The following CDK19 variants were observed in gnomAD, a reference collection of about 807,000 sequenced individuals.
The protein encoded by CDK19 is cyclin-dependent kinase 19.
CDK19 carries 20 observed loss-of-function variants against 68.3 expected under a neutral mutation model. The observed-to-expected ratio is 0.29, with a 90% confidence interval of 0.21 to 0.43. The LOEUF (loss-of-function observed/expected upper bound fraction) is 0.43. Among genes scored for constraint, CDK19 ranks in the 20% least tolerant of loss-of-function variants. CDK19 has a pLI of 1.00. For missense variants in CDK19, 339 were observed against 623.5 expected, an observed-to-expected ratio of 0.54 and a Z score of 4.86; for synonymous variants, 221 against 222.8, an observed-to-expected ratio of 0.99 and a Z score of 0.07.
At chr6:110,616,594 G>C (rs1377575663) in intron 12 of CDK19, among the ~76,000 whole-genome samples, 1 of 151,826 alleles carries the variant, frequency 6.6e-6, no homozygotes, top group East Asian at 1.9e-4. Flanking sequence ...CTTGAACCCA[G>C]GAGTCAGAAG....
chr6:110,683,904 G>A (rs1772227920), intron 2 of CDK19, among the ~76,000 whole-genome samples: 2 of 149,946 alleles, frequency 1.3e-5, no homozygotes, highest in African/African-American at 4.9e-5. Flanking sequence ...TGGAGATGGG[G>A]TTTCACCTTG....
rs978718308 is a variant in CDK19, at chr6:110,621,093, T to G, written c.1377+11A>C. 6.2e-7 allele frequency: 1 copy of G among 1,606,942 alleles called. No homozygotes were observed. The highest frequency in any genetic ancestry group is 2.2e-5 in the East Asian group (1 of 44,856). Reference sequence around the variant, plus strand: ...CATAAAGCATATGAACATTAGACATTCAGGGAGTACCTGATAATCCGAGGG... The same window carrying G: ...CATAAAGCATATGAACATTAGACATGCAGGGAGTACCTGATAATCCGAGGG... On this transcript the variant is annotated intron_variant, in intron 12 of 12. Coordinates refer to ENST00000368911, the MANE Select transcript of CDK19 (RefSeq NM_015076.5). The surrounding 1 kb of genome is among the most constrained non-coding windows in gnomAD (Gnocchi z 5.4).
intron 3 of CDK19, among the ~76,000 whole-genome samples, chr6:110,669,015 A>C (rs1393541343): frequency 6.6e-6 from 1 of 152,222 alleles, no homozygotes; most frequent in Non-Finnish European, 1.5e-5. Context: ...GTACAGTTCT[A>C]CAGGATCTGA....
intron 1 of CDK19, among the ~76,000 whole-genome samples, chr6:110,793,738 C>T (rs552808169): frequency 2.0e-5 from 3 of 152,192 alleles, no homozygotes; most frequent in Non-Finnish European, 4.4e-5. Flanking sequence ...TTGGCACAGT[C>T]TCTTTTGCCT....
intron 1 of CDK19, among the ~76,000 whole-genome samples, chr6:110,763,655 A>C (rs946218864): frequency 6.6e-6 from 1 of 151,616 alleles, no homozygotes; most frequent in Non-Finnish European, 1.5e-5. Flanking sequence ...CCTCAGGTGA[A>C]CCGCCCGCCT....
At chr6:110,624,354 T>C (rs926252008) in intron 8 of CDK19, among the ~76,000 whole-genome samples, 2 of 152,152 alleles carry the variant, frequency 1.3e-5, no homozygotes, top group African/African-American at 4.8e-5. Context: ...ATATACTAGA[T>C]ATTTTTTCAT....
At chr6:110,734,934 A>G (rs1345393416) in intron 2 of CDK19, among the ~76,000 whole-genome samples, 1 of 152,194 alleles carries the variant, frequency 6.6e-6, no homozygotes, top group Non-Finnish European at 1.5e-5. Flanking sequence ...TACAATAGTA[A>G]ATATTATTCA....
intron 2 of CDK19, among the ~76,000 whole-genome samples, chr6:110,689,845 G>A (rs1272488017): frequency 3.3e-5 from 5 of 152,132 alleles, no homozygotes; most frequent in Non-Finnish European, 7.4e-5. Context: ...TAGACCCACA[G>A]GAGCAACAGC....
chr6:110,810,594 G>C (rs1452797768), intron 1 of CDK19, among the ~76,000 whole-genome samples: 2 of 152,072 alleles, frequency 1.3e-5, no homozygotes, highest in Non-Finnish European at 2.9e-5. Context: ...AACCAACATG[G>C]AGAAACCCCA....
At chr6:110,727,552 G>A (rs1158892083) in intron 2 of CDK19, among the ~76,000 whole-genome samples, 2 of 152,108 alleles carry the variant, frequency 1.3e-5, no homozygotes, top group East Asian at 1.9e-4. Context: ...CTTCATTACT[G>A]AGATCATAAT....
At chr6:110,784,474 TAGAC>T (rs1781059525) in intron 1 of CDK19, among the ~76,000 whole-genome samples, 1 of 152,134 alleles carries the variant, frequency 6.6e-6, no homozygotes, top group South Asian at 2.1e-4. Context: ...ATCAGAAAGA[TAGAC>T]AATACCATAT....
chr6:110,610,995 G>C lies in CDK19; in HGVS notation c.*3540C>G, dbSNP rs865861511. ...TCTTAAGAGTCCATTATGTTCGTAA[G>C]AGCAAAAGAGTAGTGCAGAAGGCCA... On this transcript the variant is annotated 3_prime_UTR_variant, in exon 13 of 13. Coordinates refer to ENST00000368911, the MANE Select transcript of CDK19 (RefSeq NM_015076.5). 1 of 152,128 alleles carries C rather than the reference G, an allele frequency of 6.6e-6. No homozygotes were observed. Among genetic ancestry groups the C allele is most frequent in the South Asian group, 2.1e-4 (1 of 4,824 alleles). 9.4% of individuals were successfully genotyped at this position (152,128 alleles called of 1,614,324 possible).
At chr6:110,647,681 C>T (rs1780697251) in intron 4 of CDK19, among the ~76,000 whole-genome samples, 1 of 152,090 alleles carries the variant, frequency 6.6e-6, no homozygotes. Context: ...AAACACCAAC[C>T]ACAGATGATC....
At chr6:110,750,818 G>A (rs1248551821) in intron 1 of CDK19, among the ~76,000 whole-genome samples, 1 of 152,036 alleles carries the variant, frequency 6.6e-6, no homozygotes, top group Non-Finnish European at 1.5e-5. Flanking sequence ...GGAAGGGAAG[G>A]AAACAGTTCT....
chr6:110,739,073 T>C (rs1777458493), intron 2 of CDK19, among the ~76,000 whole-genome samples: 1 of 152,216 alleles, frequency 6.6e-6, no homozygotes, highest in South Asian at 2.1e-4. Flanking sequence ...AGACTGCTGC[T>C]GCCAGCAGTC....
At chr6:110,716,916 G>A (rs146506549) in intron 2 of CDK19, among the ~76,000 whole-genome samples, 4,019 of 152,190 alleles carry the variant, frequency 0.026, 80 homozygotes, top group South Asian at 0.084. Flanking sequence ...GACGGATCAC[G>A]AGGTCAGGAG....
intron 2 of CDK19, among the ~76,000 whole-genome samples, chr6:110,687,871 A>C (rs1450587178): frequency 3.9e-5 from 6 of 152,234 alleles, no homozygotes; most frequent in African/African-American, 9.6e-5. Context: ...CCTAAGGACA[A>C]CATTAATCTG....
chr6:110,794,106 C>T (rs369718145), intron 1 of CDK19, among the ~76,000 whole-genome samples: 32 of 152,038 alleles, frequency 2.1e-4, no homozygotes, highest in Non-Finnish European at 3.7e-4. Flanking sequence ...AGTGCAGTGG[C>T]GCAATCTCAG....
At chr6:110,706,692 C>T (rs12213937) in intron 2 of CDK19, 5,282 of 151,906 alleles carry the variant, frequency 0.035, 124 homozygotes, top group Middle Eastern at 0.079. Flanking sequence ...GGATTACAAG[C>T]GTGAGCCACC....
Sources: allele counts gnomAD v4.1 joint callset (sites outside exome capture counted in the v4.1 genomes callset), GRCh38; gene constraint gnomAD v4.1.1; non-coding constraint Gnocchi (gnomAD v3.1); transcripts MANE v1.5; gene names NCBI Gene and HGNC (gene_info 2026-07-23, HGNC 2026-07-21).